Variants in ZNF516 observed in about 807,000 individuals in gnomAD.
ZNF516 encodes zinc finger protein 516.
Under a neutral mutation model 79.7 loss-of-function variants are expected in ZNF516, and 19 were observed. The observed-to-expected ratio is 0.24, with a 90% CI of 0.17 to 0.35. The LOEUF is 0.35. ZNF516 is among the 10% of genes least tolerant of loss of function. The probability of loss-of-function intolerance (pLI) is 1.00; values close to 1 mark genes in which losing one functional copy is unlikely to be tolerated. For synonymous variants in ZNF516, 877 were observed against 739.5 expected, an observed-to-expected ratio of 1.19 and a Z score of -3.02; for missense variants, 1,678 against 1,679.5, an observed-to-expected ratio of 1.00 and a Z score of 0.02.
chr18:76,372,875 G>A (rs2074729325), intron 4 of ZNF516: 1 of 152,282 alleles, frequency 6.6e-6, no homozygotes, highest in Admixed American at 6.5e-5. Flanking sequence ...GGGGCCAGGT[G>A]CGGCGGCTCA....
intron 1 of ZNF516, among the ~76,000 whole-genome samples, chr18:76,469,253 A>G (rs1913681589): frequency 6.6e-6 from 1 of 152,166 alleles, no homozygotes; most frequent in Non-Finnish European, 1.5e-5. Flanking sequence ...ACCAGTCCAA[A>G]ATTACACCCC....
chr18:76,462,961 T>C (rs138475825), intron 2 of ZNF516, 67 bp downstream of exon 2: 127 of 152,358 alleles, frequency 8.3e-4, no homozygotes, highest in African/African-American at 3.0e-3. Context: ...TTAAGCTTGA[T>C]TGAAATTCCA....
At chr18:76,471,255 GAA>G (rs533579669) in intron 1 of ZNF516, among the ~76,000 whole-genome samples, 1 of 140,400 alleles carries the variant, frequency 7.1e-6, no homozygotes, top group African/African-American at 2.6e-5. Flanking sequence ...CCTCCACACG[GAA>G]AAAAAAAAAA....
chr18:76,491,564 CGCCGGGGGGCGGGG>C (rs1915219990), intron 1 of ZNF516: 3 of 141,144 alleles, frequency 2.1e-5, no homozygotes, highest in South Asian at 2.3e-4. Flanking sequence ...GGGGGGCGGG[CGCCGGGGGGCGGGG>C]GCGGCGGGCC....
intron 3 of ZNF516, among the ~76,000 whole-genome samples, chr18:76,425,528 A>C (rs986939123): frequency 6.6e-6 from 1 of 152,226 alleles, no homozygotes; most frequent in Admixed American, 6.5e-5. Context: ...ATCTCTTGTG[A>C]AAATCACAGG....
At chr18:76,369,928 G>C (rs1386648431) in intron 6 of ZNF516, among the ~76,000 whole-genome samples, 3 of 152,156 alleles carry the variant, frequency 2.0e-5, no homozygotes, top group Non-Finnish European at 2.9e-5. Context: ...CTCTACTTTA[G>C]AGCAGGACTC....
chr18:76,412,602 T>C (rs1027090857), intron 3 of ZNF516, among the ~76,000 whole-genome samples: 3 of 151,710 alleles, frequency 2.0e-5, no homozygotes, highest in African/African-American at 4.9e-5. Flanking sequence ...ATGCACTGGG[T>C]AATAGAGGAA....
At chr18:76,481,685 C>T (rs1008544047) in intron 1 of ZNF516, among the ~76,000 whole-genome samples, 5 of 152,142 alleles carry the variant, frequency 3.3e-5, no homozygotes, top group African/African-American at 1.2e-4. Context: ...ATAAAGAACT[C>T]GGAATAATGC....
Position 76,443,074 on chromosome 18 carries a change from G to A in ZNF516, c.-20C>T, listed in dbSNP as rs776867083. ...ATCCATCCGAAGGACGGGCGCGGCC[G>A]GTGGTGGCGGCACAGCTTTCTGTCG... On this transcript the variant is annotated 5_prime_UTR_variant, in exon 3 of 7. Coordinates refer to ENST00000443185, the MANE Select transcript of ZNF516 (RefSeq NM_014643.4). 86 of 1,559,452 alleles carry A rather than the reference G, an allele frequency of 5.5e-5. 1 individual carries two copies. The East Asian group carries it at 1.6e-3, about 30-fold the overall frequency.
At position 76,379,940 on chromosome 18, in the gene ZNF516, G is replaced by A. The variant is rs758685332; in HGVS notation, c.2174C>T (p.Ala725Val). ...TAGCGGCATGAGGTCTGGGGCCAGC[G>A]CCCGCTTCCCTCCCCCAGAGTGTTC... ...NKEHSGGGKR[A>V]LAPDLMPLDL... Residue 725 changes from alanine to valine, a missense_variant, in exon 4 of 7, where the codon GCG (alanine) becomes GTG (valine). This residue lies in a region of ZNF516 where 1,294 missense variants were observed against 1,248.3 expected (regional missense o/e 1.04). Transcript: ENST00000443185. The A allele has an allele frequency of 2.2e-5, 36 of 1,613,836 alleles. No homozygotes were observed. The highest frequency in any genetic ancestry group is 8.0e-5 in the African/African-American group (6 of 74,910).
intron 6 of ZNF516, among the ~76,000 whole-genome samples, chr18:76,365,614 T>C (rs1179466344): frequency 1.3e-5 from 2 of 152,198 alleles, no homozygotes; most frequent in African/African-American, 2.4e-5. Flanking sequence ...AACGACAACA[T>C]GCATGAGCTC....
At chr18:76,440,761 T>TAA (rs2075805663) in intron 3 of ZNF516, among the ~76,000 whole-genome samples, 1 of 150,144 alleles carries the variant, frequency 6.7e-6, no homozygotes, top group South Asian at 2.1e-4. Flanking sequence ...TGTGTGTGTG[T>TAA]GCGCGCACGC....
intron 3 of ZNF516, among the ~76,000 whole-genome samples, chr18:76,425,128 C>A (rs1052202599): frequency 6.6e-6 from 1 of 152,016 alleles, no homozygotes; most frequent in African/African-American, 2.4e-5. Flanking sequence ...CTCGGAGCCA[C>A]ACCAGGTTCC....
intron 3 of ZNF516, among the ~76,000 whole-genome samples, chr18:76,385,041 C>T (rs538034080): frequency 7.0e-4 from 107 of 152,328 alleles, no homozygotes; most frequent in Non-Finnish European, 1.1e-3. Flanking sequence ...TCCGGGTGCA[C>T]GGAAGCACGT....
At chr18:76,378,503 T>C (rs567756200) in intron 4 of ZNF516, among the ~76,000 whole-genome samples, 12 of 152,336 alleles carry the variant, frequency 7.9e-5, no homozygotes, top group Admixed American at 1.3e-4. Flanking sequence ...ACACGTGAAG[T>C]GCAATCACGT....
intron 6 of ZNF516, among the ~76,000 whole-genome samples, chr18:76,368,946 T>G (rs1285129783): frequency 6.6e-6 from 1 of 152,216 alleles, no homozygotes; most frequent in Non-Finnish European, 1.5e-5. Flanking sequence ...TCTCACCAAC[T>G]TGTTCCTAGA....
intron 1 of ZNF516, among the ~76,000 whole-genome samples, chr18:76,473,470 C>G (rs376835236): frequency 6.6e-6 from 1 of 151,110 alleles, no homozygotes; most frequent in East Asian, 1.9e-4. Flanking sequence ...AAAAATATAC[C>G]ATTAAAAGTT....
intron 3 of ZNF516, among the ~76,000 whole-genome samples, chr18:76,430,836 C>CTTA (rs1241833814): frequency 6.6e-6 from 1 of 152,190 alleles, no homozygotes; most frequent in Non-Finnish European, 1.5e-5. Context: ...TAACAGTTCG[C>CTTA]CCAAATGTCT....
In ZNF516 at chr18:76,379,859, G is replaced by A. The variant is rs377559097; in HGVS notation, c.2255C>T (p.Ser752Phe). The A allele has an allele frequency of 5.6e-6, 9 of 1,613,892 alleles. No homozygotes were observed. Among genetic ancestry groups the A allele is most frequent in the South Asian group, 3.3e-5 (3 of 91,076 alleles). Residue 752 changes from serine (S) to phenylalanine (F), a missense_variant, in exon 4 of 7, where the codon TCC becomes TTC. By Grantham distance (155) the Ser-to-Phe change is radical. Transcript: ENST00000443185. The stretch of plus-strand genomic sequence containing the variant: ...GTGAACGACTAAAGCCGCCTGCAGG[G>A]AGGAGGCCGTCTCCTTATTGCTGGG... Reference protein sequence around the residue: ...DDPSNKETASSLQAALVVHPC... With the variant: ...DDPSNKETASFLQAALVVHPC...
Sources: gnomAD v4.1 joint callset for allele counts (sites outside exome capture counted in the v4.1 genomes callset) on GRCh38, gnomAD v4.1.1 for gene constraint, gnomAD v4.1.1 regional missense constraint, MANE v1.5 for transcripts, NCBI Gene and HGNC (gene_info 2026-07-23, HGNC 2026-07-21) for gene names.